Variants in NSD1 observed in about 807,000 individuals in gnomAD.
NSD1 encodes the protein nuclear receptor binding SET domain protein 1.
In NSD1, 26 loss-of-function variants were observed where a neutral mutation model predicts 242.7. The ratio of observed to expected loss-of-function variants is 0.11; its 90% CI spans 0.08 to 0.15. The LOEUF is 0.15. Ranked by LOEUF, NSD1 falls within the 10% of genes least tolerant of loss-of-function variation. The pLI is 1.00. For missense variants in NSD1, 2,495 were observed against 3,272.8 expected, an observed-to-expected ratio of 0.76 and a Z score of 5.80; for synonymous variants, 1,106 against 1,178.1, an observed-to-expected ratio of 0.94 and a Z score of 1.25.
At chr5:177,237,227 A>C (rs2149885665) in intron 6 of NSD1, among the ~76,000 whole-genome samples, 1 of 152,276 alleles carries the variant, frequency 6.6e-6, no homozygotes, top group Middle Eastern at 3.4e-3. Flanking sequence ...GAAGACTTTC[A>C]GATTTTATTA....
chr5:177,220,977 C>T (rs1764189271), intron 5 of NSD1: 1 of 452,072 alleles, frequency 2.2e-6, no homozygotes, highest in Admixed American at 2.4e-5. Flanking sequence ...GATTCTTGTG[C>T]CTCAGCCTCC....
intron 5 of NSD1, among the ~76,000 whole-genome samples, chr5:177,228,672 A>G (rs1317123521): frequency 6.6e-6 from 1 of 152,122 alleles, no homozygotes; most frequent in African/African-American, 2.4e-5. Context: ...TGATGTTGCT[A>G]CTAGTATTCT....
intron 13 of NSD1, among the ~76,000 whole-genome samples, chr5:177,257,594 T>C (rs1193247532): frequency 6.6e-6 from 1 of 152,106 alleles, no homozygotes; most frequent in Non-Finnish European, 1.5e-5. Flanking sequence ...CTCTAGCTTT[T>C]ATCAGAGAGA....
chr5:177,207,089 A>G (rs914553147), intron 4 of NSD1, among the ~76,000 whole-genome samples: 6 of 151,950 alleles, frequency 3.9e-5, no homozygotes, highest in African/African-American at 1.4e-4. Context: ...GGCTTGCGCC[A>G]CCACGCCCTG....
intron 2 of NSD1, among the ~76,000 whole-genome samples, chr5:177,143,374 G>C (rs184481734): frequency 6.6e-6 from 1 of 151,882 alleles, no homozygotes; most frequent in East Asian, 1.9e-4. Flanking sequence ...CAGGTTCGAG[G>C]GCAGTGGTGC....
chr5:177,183,042 G>T (rs1481689404), intron 2 of NSD1, among the ~76,000 whole-genome samples: 1 of 152,132 alleles, frequency 6.6e-6, no homozygotes, highest in Non-Finnish European at 1.5e-5. Flanking sequence ...TTCCGAAAGT[G>T]CTGGGATTAC....
intron 4 of NSD1, among the ~76,000 whole-genome samples, chr5:177,206,868 A>AT (rs202243318): frequency 0.022 from 3,382 of 152,072 alleles, 52 homozygotes; most frequent in South Asian, 0.054. Flanking sequence ...AAAAAAAAAA[A>AT]AATACACACT....
intron 5 of NSD1, among the ~76,000 whole-genome samples, chr5:177,228,279 T>G (rs1329943757): frequency 1.3e-5 from 2 of 151,112 alleles, no homozygotes; most frequent in African/African-American, 4.9e-5. Flanking sequence ...TTTTTTTTTT[T>G]GAGTTAGAGT....
At chr5:177,289,429 T>A (rs904293711) in intron 21 of NSD1, among the ~76,000 whole-genome samples, 2 of 152,326 alleles carry the variant, frequency 1.3e-5, no homozygotes, top group South Asian at 4.1e-4. Context: ...GGGGATATTG[T>A]TGAAGTGTTT....
At chr5:177,268,885 T>C (rs1349895365) in intron 15 of NSD1, among the ~76,000 whole-genome samples, 3 of 152,228 alleles carry the variant, frequency 2.0e-5, no homozygotes, top group African/African-American at 7.2e-5. Flanking sequence ...AGTTCACTTA[T>C]CCATTTTCCT....
intron 2 of NSD1, among the ~76,000 whole-genome samples, chr5:177,162,570 G>A (rs1000170661): frequency 1.3e-5 from 2 of 152,086 alleles, no homozygotes; most frequent in Non-Finnish European, 2.9e-5. Flanking sequence ...TAGAGACAGG[G>A]TTTCTTTCGC....
At chr5:177,188,113 C>A (rs1008181730) in intron 2 of NSD1, among the ~76,000 whole-genome samples, 8 of 152,078 alleles carry the variant, frequency 5.3e-5, no homozygotes. Flanking sequence ...GTGACTTATT[C>A]GTCTTTGTGT....
intron 2 of NSD1, among the ~76,000 whole-genome samples, chr5:177,171,596 A>C (rs993870401): frequency 3.9e-5 from 6 of 152,306 alleles, no homozygotes; most frequent in Middle Eastern, 3.4e-3. Flanking sequence ...CATCCCAAAC[A>C]AGAACTCTGT....
intron 13 of NSD1, among the ~76,000 whole-genome samples, chr5:177,257,973 C>CTT (rs35034666): frequency 0.084 from 4,398 of 52,324 alleles, 282 homozygotes; most frequent in African/African-American, 0.15. Flanking sequence ...CCCCCTGGGC[C>CTT]TTTTTTTTTT....
At chr5:177,164,149 C>CTTTTTT (rs56076836) in intron 2 of NSD1, among the ~76,000 whole-genome samples, 31 of 138,392 alleles carry the variant, frequency 2.2e-4, no homozygotes, top group Non-Finnish European at 3.1e-4. Context: ...AAAATGTAAC[C>CTTTTTT]TTTTTTTTTT....
At chr5:177,293,061 A>G (rs1371702546) in intron 22 of NSD1, among the ~76,000 whole-genome samples, 1 of 152,174 alleles carries the variant, frequency 6.6e-6, no homozygotes, top group Non-Finnish European at 1.5e-5. Flanking sequence ...CATCACATTG[A>G]CCTGTCAGCA....
Position 177,295,393 on chromosome 5 carries a change from A to G in NSD1, c.8025A>G (p.Gln2675=), listed in dbSNP as rs199895437. Residue 2675 remains glutamine, a synonymous_variant, in exon 23 of 23, where the codon CAA becomes CAG. Coordinates refer to ENST00000439151, the MANE Select transcript of NSD1 (RefSeq NM_022455.5). This position sits in a 1 kb window ranked among gnomAD's most constrained non-coding sequence, Gnocchi z 4.3. ...LGRGQDPKPE[Q]NTLPALNQAP... ...GAGGGCAAGACCCCAAACCAGAGCA[A>G]AATACACTTCCAGCTCTTAACCAGG... 1.2e-5 allele frequency: 20 copies of G among 1,614,230 alleles called. No individual in the cohort carries two copies. In the Admixed American group the frequency reaches 3.0e-4, roughly 24 times the overall value.
chr5:177,255,470 A>G (rs1756355519), intron 12 of NSD1, among the ~76,000 whole-genome samples: 1 of 152,156 alleles, frequency 6.6e-6, no homozygotes, highest in African/African-American at 2.4e-5. Context: ...TACCTGTAGG[A>G]GGATTCATGT....
intron 2 of NSD1, among the ~76,000 whole-genome samples, chr5:177,185,801 A>ATT (rs1761097769): frequency 1.8e-5 from 1 of 55,492 alleles, no homozygotes; most frequent in African/African-American, 7.2e-5. Flanking sequence ...ATATATATAT[A>ATT]TATATAAATT....
Sources: gnomAD v4.1 joint callset for allele counts (sites outside exome capture counted in the v4.1 genomes callset) on GRCh38, gnomAD v4.1.1 for gene constraint, Gnocchi (gnomAD v3.1) non-coding constraint, MANE v1.5 for transcripts, NCBI Gene and HGNC (gene_info 2026-07-23, HGNC 2026-07-21) for gene names.